KSR2: variants seen among roughly 807,000 people sequenced by gnomAD.
KSR2 encodes the protein kinase suppressor of ras 2.
In KSR2, 25 loss-of-function variants were observed where a neutral mutation model predicts 107.8. The ratio of observed to expected loss-of-function variants is 0.23; its 90% CI spans 0.17 to 0.32. The LOEUF is 0.32. Among genes scored for constraint, KSR2 ranks in the 10% least tolerant of loss-of-function variants. The pLI is 1.00. For missense variants in KSR2, 887 were observed against 1,268.9 expected, an observed-to-expected ratio of 0.70 and a Z score of 4.57; for synonymous variants, 480 against 507.0, an observed-to-expected ratio of 0.95 and a Z score of 0.71.
At chr12:117,509,036 G>A (rs1873876872) in intron 14 of KSR2, among the ~76,000 whole-genome samples, 1 of 151,786 alleles carries the variant, frequency 6.6e-6, no homozygotes, top group African/African-American at 2.4e-5. Flanking sequence ...GGGTCTGGGG[G>A]ATATAAGATG....
At chr12:117,668,660 G>T in intron 4 of KSR2, among the ~76,000 whole-genome samples, 1 of 152,210 alleles carries the variant, frequency 6.6e-6, no homozygotes, top group Non-Finnish European at 1.5e-5. Flanking sequence ...GCCTACAAAA[G>T]AGTCCTTTGG....
At chr12:117,794,191 C>T (rs1566018758) in intron 3 of KSR2, among the ~76,000 whole-genome samples, 4 of 126,026 alleles carry the variant, frequency 3.2e-5, no homozygotes, top group Non-Finnish European at 4.9e-5. Flanking sequence ...AACATGCACA[C>T]ACACCATGCA....
chr12:117,910,931 C>A (rs747761250), intron 1 of KSR2, among the ~76,000 whole-genome samples: 2 of 152,154 alleles, frequency 1.3e-5, no homozygotes, highest in Non-Finnish European at 2.9e-5. Flanking sequence ...GTGTGAAATT[C>A]ACTACTAGAC....
intron 5 of KSR2, among the ~76,000 whole-genome samples, chr12:117,608,291 G>GT (rs1475841874): frequency 6.6e-6 from 1 of 152,154 alleles, no homozygotes. Context: ...GCCCAGAGAG[G>GT]TATCAGCCAT....
At chr12:117,620,482 G>A (rs565839483) in intron 5 of KSR2, among the ~76,000 whole-genome samples, 101 of 152,202 alleles carry the variant, frequency 6.6e-4, no homozygotes, top group Non-Finnish European at 1.1e-3. Context: ...TTGTGTTATG[G>A]CTGACAGAAG....
At chr12:117,733,108 C>A (rs1295024872) in intron 4 of KSR2, among the ~76,000 whole-genome samples, 2 of 152,162 alleles carry the variant, frequency 1.3e-5, no homozygotes, top group Non-Finnish European at 2.9e-5. Flanking sequence ...GGCCTTGAGG[C>A]CACAACGCGC....
At chr12:117,877,458 C>T (rs77401371) in intron 1 of KSR2, among the ~76,000 whole-genome samples, 8,337 of 152,110 alleles carry the variant, frequency 0.055, 689 homozygotes, top group African/African-American at 0.18. Flanking sequence ...TATATGCTAG[C>T]CCTGTGCCTA....
rs1870776385 is a variant in KSR2, at chr12:117,459,249, G to A, written c.*7950C>T. ...TACAGCCCAAATGGCTTGGCTTCTG[G>A]AAGTTTCTGAGGCCTGAGTTCTAAA... On this transcript the variant is annotated 3_prime_UTR_variant, in exon 20 of 20. Transcript: ENST00000339824. 6.6e-6 allele frequency: 1 copy of A among 152,202 alleles called. No individual in the cohort carries two copies. Among genetic ancestry groups the A allele is most frequent in the Non-Finnish European group, 1.5e-5 (1 of 68,044 alleles). The allele number at this position is 152,202 out of a possible 1,614,324, so 9.4% of individuals were successfully genotyped here. A position where few individuals can be genotyped will look rare whatever the true frequency, so the allele number is the denominator to read the frequency against.
chr12:117,731,643 T>C (rs1454473708), intron 4 of KSR2, among the ~76,000 whole-genome samples: 1 of 152,114 alleles, frequency 6.6e-6, no homozygotes, highest in Non-Finnish European at 1.5e-5. Context: ...TTACTGTGTC[T>C]GTGTGGAAAG....
chr12:117,872,322 G>A (rs1032371814), intron 1 of KSR2, among the ~76,000 whole-genome samples: 4 of 152,106 alleles, frequency 2.6e-5, no homozygotes, highest in Non-Finnish European at 5.9e-5. Flanking sequence ...ATTGCTACTC[G>A]TGAGGCTGAG....
intron 4 of KSR2, among the ~76,000 whole-genome samples, chr12:117,718,729 G>C (rs1213674997): frequency 1.3e-5 from 2 of 152,226 alleles, no homozygotes; most frequent in Admixed American, 1.3e-4. Context: ...TTAAGACAAA[G>C]CAGCCACCCA....
chr12:117,692,687 G>A (rs1020068448), intron 4 of KSR2, among the ~76,000 whole-genome samples: 1 of 151,722 alleles, frequency 6.6e-6, no homozygotes, highest in Non-Finnish European at 1.5e-5. Flanking sequence ...TAAACAAATT[G>A]TGGCATATCC....
At chr12:117,693,289 T>A (rs1885908743) in intron 4 of KSR2, among the ~76,000 whole-genome samples, 1 of 152,194 alleles carries the variant, frequency 6.6e-6, no homozygotes, top group Non-Finnish European at 1.5e-5. Context: ...CCTTGTTTAA[T>A]TGAATAAGGA....
intron 7 of KSR2, among the ~76,000 whole-genome samples, chr12:117,578,321 C>T (rs1879410044): frequency 6.6e-6 from 1 of 152,062 alleles, no homozygotes; most frequent in South Asian, 2.1e-4. Context: ...GAGCCAGGCA[C>T]GGTGGCTCCC....
intron 5 of KSR2, among the ~76,000 whole-genome samples, chr12:117,638,088 A>G (rs1221654588): frequency 3.9e-5 from 6 of 152,184 alleles, no homozygotes; most frequent in Non-Finnish European, 7.3e-5. Flanking sequence ...TAAGATAAAA[A>G]GAGGCTGCCA....
At chr12:117,505,128 C>T (rs544896915) in intron 14 of KSR2, among the ~76,000 whole-genome samples, 9 of 152,074 alleles carry the variant, frequency 5.9e-5, no homozygotes, top group Non-Finnish European at 8.8e-5. Context: ...GTATATATAC[C>T]ACATTTTCTT....
At chr12:117,539,017 G>A (rs1474003306) in intron 10 of KSR2, among the ~76,000 whole-genome samples, 2 of 152,184 alleles carry the variant, frequency 1.3e-5, no homozygotes, top group Admixed American at 6.5e-5. Context: ...TGACAAAGGA[G>A]GTCAGGAAAC....
At chr12:117,768,756 T>A (rs1322936007) in intron 3 of KSR2, among the ~76,000 whole-genome samples, 1 of 152,170 alleles carries the variant, frequency 6.6e-6, no homozygotes, top group Admixed American at 6.5e-5. Context: ...ATTTATTGAA[T>A]TTACACATAA....
At chr12:117,576,037 T>C (rs2136228111) in intron 7 of KSR2, among the ~76,000 whole-genome samples, 1 of 151,710 alleles carries the variant, frequency 6.6e-6, no homozygotes, top group South Asian at 2.1e-4. Context: ...CCTATCCCTA[T>C]CCTTCCCACA....
Sources: gnomAD v4.1 joint callset for allele counts (sites outside exome capture counted in the v4.1 genomes callset) on GRCh38, gnomAD v4.1.1 for gene constraint, MANE v1.5 for transcripts, NCBI Gene and HGNC (gene_info 2026-07-23, HGNC 2026-07-21) for gene names.